Variants in PCDH7 observed in about 807,000 individuals in gnomAD.
PCDH7 encodes the protein protocadherin 7, also known as protocadherin-7.
PCDH7 carries 17 observed loss-of-function variants against 58.9 expected under a neutral mutation model. That is an observed-to-expected ratio of 0.29 (90% CI 0.20 to 0.43). PCDH7 has a LOEUF of 0.43. Ranked by LOEUF, PCDH7 falls within the 20% of genes least tolerant of loss-of-function variation. The probability of loss-of-function intolerance (pLI) is 1.00; values close to 1 mark genes in which losing one functional copy is unlikely to be tolerated. For synonymous variants in PCDH7, 664 were observed against 616.4 expected (o/e 1.08, Z -1.14); for missense variants, 1,274 against 1,441.0 (o/e 0.88, Z 1.88).
intron 1 of PCDH7, among the ~76,000 whole-genome samples, chr4:30,774,216 A>G (rs895720393): frequency 1.3e-5 from 2 of 152,158 alleles, no homozygotes; most frequent in African/African-American, 4.8e-5. Flanking sequence ...CCAAGAGGAT[A>G]CTTGAGAACT....
chr4:30,815,064 A>G (rs941781136), intron 1 of PCDH7, among the ~76,000 whole-genome samples: 23 of 152,166 alleles, frequency 1.5e-4, no homozygotes, highest in Non-Finnish European at 2.9e-5. Flanking sequence ...GCTCAATTGT[A>G]AGTTATACAA....
chr4:30,876,810 C>T (rs1427002408), intron 1 of PCDH7, among the ~76,000 whole-genome samples: 1 of 151,908 alleles, frequency 6.6e-6, no homozygotes, highest in Non-Finnish European at 1.5e-5. Context: ...CATAGGTATA[C>T]ATGTGCCATG....
At chr4:31,055,997 T>C (rs2109228534) in intron 3 of PCDH7, among the ~76,000 whole-genome samples, 1 of 152,336 alleles carries the variant, frequency 6.6e-6, no homozygotes, top group Non-Finnish European at 1.5e-5. Context: ...AGGTCTCAAA[T>C]TCTAGAACTG....
intron 3 of PCDH7, among the ~76,000 whole-genome samples, chr4:30,973,064 A>C (rs1365613477): frequency 1.3e-5 from 2 of 152,044 alleles, no homozygotes; most frequent in Non-Finnish European, 1.5e-5. Context: ...TAAGACATAC[A>C]GTCACAAATT....
rs535885354 is a variant in PCDH7, at chr4:31,098,309, C to T, written c.*8-44164C>T. ...TAAGCTATTTTTGTGAAATGTATTT[C>T]TAGTACAATTTGAGTCAGTGTTTAG... is the stretch of plus-strand genomic sequence containing the variant. On this transcript the variant is annotated intron_variant, in intron 3 of 3. Transcript: ENST00000509759. 1.3e-3 allele frequency among the ~76,000 whole-genome samples: 205 copies of T among 152,240 alleles called. 1 individual carries two copies. Among genetic ancestry groups the T allele is most frequent in the Non-Finnish European group, 2.3e-3 (158 of 67,998 alleles).
At chr4:31,077,007 A>G (rs185517898) in intron 3 of PCDH7, among the ~76,000 whole-genome samples, 2 of 152,176 alleles carry the variant, frequency 1.3e-5, no homozygotes, top group South Asian at 2.1e-4. Context: ...GAGATCTTCA[A>G]TACAAAAAGG....
At chr4:30,770,594 A>G (rs1347732270) in intron 1 of PCDH7, among the ~76,000 whole-genome samples, 1 of 152,216 alleles carries the variant, frequency 6.6e-6, no homozygotes, top group African/African-American at 2.4e-5. Flanking sequence ...GAATGCCTAC[A>G]TCATGCTAAC....
In PCDH7 at chr4:31,074,844, G is replaced by GCATATGAGA. The variant is rs1489892757; in HGVS notation, c.*8-67628_*8-67620dup. Among the ~76,000 whole-genome samples the GCATATGAGA allele has an allele frequency of 3.4e-5, 5 of 145,070 alleles. No individual in the cohort carries two copies. The East Asian group carries it at 1.1e-3, about 31-fold the overall frequency. ...TTGACAGACCTAGCCCTACCATCCT[G>GCATATGAGA]CATATGAGATTCATGCCCACTGATA... On this transcript the variant is annotated intron_variant, in intron 3 of 3. Coordinates refer to the PCDH7 transcript ENST00000509759.
intron 3 of PCDH7, among the ~76,000 whole-genome samples, chr4:31,093,519 A>G (rs1045769976): frequency 2.0e-5 from 3 of 152,116 alleles, no homozygotes; most frequent in African/African-American, 4.8e-5. Context: ...CTTGAACAAC[A>G]TAAGGCCCAT....
chr4:30,911,317 ATC>A (rs943274743), intron 1 of PCDH7, among the ~76,000 whole-genome samples: 1 of 108,168 alleles, frequency 9.2e-6, no homozygotes, highest in African/African-American at 4.6e-5. Flanking sequence ...TAAAAAAAAA[ATC>A]ACCCCCCCCC....
At chr4:30,749,176 G>A (rs887038900) in intron 1 of PCDH7, among the ~76,000 whole-genome samples, 1 of 152,158 alleles carries the variant, frequency 6.6e-6, no homozygotes, top group Non-Finnish European at 1.5e-5. Context: ...GAAAGAAAAA[G>A]TAAAAGAGAA....
intron 1 of PCDH7, among the ~76,000 whole-genome samples, chr4:30,902,514 A>G (rs1740353462): frequency 6.6e-6 from 1 of 152,162 alleles, no homozygotes; most frequent in South Asian, 2.1e-4. Flanking sequence ...GATGCATATA[A>G]TGAGATCCAG....
At chr4:30,898,917 CT>C (rs559937083) in intron 1 of PCDH7, among the ~76,000 whole-genome samples, 365 of 149,138 alleles carry the variant, frequency 2.4e-3, no homozygotes, top group African/African-American at 8.3e-3. Flanking sequence ...TAGCAAATGC[CT>C]TTTTTTTTTC....
At chr4:30,883,051 T>G (rs979554077) in intron 1 of PCDH7, among the ~76,000 whole-genome samples, 10 of 152,208 alleles carry the variant, frequency 6.6e-5, no homozygotes, top group African/African-American at 2.4e-4. Flanking sequence ...TTTGTTGGCA[T>G]TGGATTCTGT....
At chr4:31,106,315 G>A (rs1433904912) in intron 3 of PCDH7, among the ~76,000 whole-genome samples, 1 of 152,052 alleles carries the variant, frequency 6.6e-6, no homozygotes, top group African/African-American at 2.4e-5. Flanking sequence ...TTATATAAGC[G>A]ATTGTGCAAA....
chr4:31,080,989 T>C (rs1425212232), intron 3 of PCDH7, among the ~76,000 whole-genome samples: 2 of 152,230 alleles, frequency 1.3e-5, no homozygotes, highest in Non-Finnish European at 2.9e-5. Context: ...TGCCTTTCAC[T>C]TTCTGCCATG....
chr4:31,134,129 A>T (rs1403786596), intron 3 of PCDH7, among the ~76,000 whole-genome samples: 1 of 152,100 alleles, frequency 6.6e-6, no homozygotes, highest in Non-Finnish European at 1.5e-5. Context: ...ACTTGCAGTG[A>T]TATTGGTCAG....
intron 1 of PCDH7, among the ~76,000 whole-genome samples, chr4:30,772,424 A>G (rs1399017227): frequency 2.6e-5 from 4 of 152,082 alleles, no homozygotes; most frequent in Admixed American, 2.6e-4. Context: ...TTTCTTTGTT[A>G]TCTTTTTCTT....
At chr4:31,132,311 A>G (rs1434189799) in intron 3 of PCDH7, among the ~76,000 whole-genome samples, 1 of 152,096 alleles carries the variant, frequency 6.6e-6, no homozygotes, top group Non-Finnish European at 1.5e-5. Context: ...GTGTAAAAGT[A>G]TATGTCATGG....
Sources: gnomAD v4.1 joint callset for allele counts (sites outside exome capture counted in the v4.1 genomes callset) on GRCh38, gnomAD v4.1.1 for gene constraint, MANE v1.5 for transcripts, NCBI Gene and HGNC (gene_info 2026-07-23, HGNC 2026-07-21) for gene names.